The following VRK1 variants were observed in gnomAD, a reference collection of about 807,000 sequenced individuals.
VRK1 encodes the protein serine/threonine-protein kinase VRK1.
A neutral mutation model predicts 57.1 loss-of-function variants in VRK1; 33 were observed. That is an observed-to-expected ratio of 0.58 (90% confidence interval 0.44 to 0.77). VRK1 has a LOEUF of 0.77. Among genes scored for constraint, VRK1 ranks in the 30% least tolerant of loss-of-function variants. The pLI, the probability that VRK1 is intolerant of heterozygous loss-of-function variation, is 0.00. For missense variants in VRK1, 413 were observed against 477.3 expected, an observed-to-expected ratio of 0.87 and a Z score of 1.25; for synonymous variants, 137 against 147.8, an observed-to-expected ratio of 0.93 and a Z score of 0.53.
chr14:96,810,990 C>T lies in VRK1; in HGVS notation c.-6+13543C>T, dbSNP rs1031988846. 1.6e-4 allele frequency among the ~76,000 whole-genome samples: 25 copies of T among 151,656 alleles called. No homozygotes were observed. The South Asian group carries it at 2.9e-3, about 18-fold the overall frequency. On this transcript the variant is annotated intron_variant, in intron 1 of 12. Transcript: ENST00000216639. ...TGTCACTCTGTTGATAGTGCAGTGG[C>T]GCTATCTCGGCTCACTGCAACCTCC...
chr14:96,822,080 CT>C (rs71103555), intron 1 of VRK1, among the ~76,000 whole-genome samples: 64,322 of 141,488 alleles, frequency 0.45, 15,953 homozygotes, highest in Non-Finnish European at 0.58. Context: ...CTGTCCCTGC[CT>C]TTTTTTTTTT....
intron 1 of VRK1, among the ~76,000 whole-genome samples, chr14:96,821,108 A>G (rs1191627007): frequency 6.6e-6 from 1 of 152,202 alleles, no homozygotes; most frequent in East Asian, 1.9e-4. Flanking sequence ...TTGATACATA[A>G]TATTATATCA....
At chr14:96,868,610 C>G (rs1398269809) in intron 11 of VRK1, among the ~76,000 whole-genome samples, 1 of 152,020 alleles carries the variant, frequency 6.6e-6, no homozygotes, top group East Asian at 1.9e-4. Flanking sequence ...TATATAAGTA[C>G]TTTACTATAA....
At position 96,855,432 on chromosome 14, in the gene VRK1, C is replaced by T. The variant is rs74076162; in HGVS notation, c.709+76C>T. The stretch of plus-strand genomic sequence containing the variant: ...GATTCCTACATAGTTCTTAATTATG[C>T]ATAAGTAAATGAATAGATAAATAAA... On this transcript the variant is annotated intron_variant, in intron 8 of 12. Transcript: ENST00000216639. 2.8e-3 allele frequency: 4,417 copies of T among 1,602,934 alleles called. 100 individuals are homozygous for T. The African/African-American group carries it at 0.049, about 18-fold the overall frequency.
intron 11 of VRK1, among the ~76,000 whole-genome samples, chr14:96,868,771 A>G (rs540133312): frequency 2.4e-4 from 37 of 151,100 alleles, no homozygotes; most frequent in African/African-American, 9.0e-4. Context: ...TATAATGGCC[A>G]GTTCTTCGGA....
chr14:96,841,571 C>T (rs1426657670), intron 3 of VRK1, among the ~76,000 whole-genome samples: 1 of 152,120 alleles, frequency 6.6e-6, no homozygotes, highest in Non-Finnish European at 1.5e-5. Context: ...CAAAACAATA[C>T]TACTGACCAG....
At chr14:96,798,999 A>G (rs1885551955) in intron 1 of VRK1, among the ~76,000 whole-genome samples, 1 of 152,250 alleles carries the variant, frequency 6.6e-6, no homozygotes, top group Admixed American at 6.5e-5. Flanking sequence ...ACTTGAATTT[A>G]ATAACAATAA....
At chr14:96,847,090 G>A (rs755571228) in intron 4 of VRK1, among the ~76,000 whole-genome samples, 167 bp from the exon 5 acceptor site, 6 of 152,084 alleles carry the variant, frequency 3.9e-5, no homozygotes, top group East Asian at 3.8e-4. Context: ...TGTTTTCATC[G>A]TAAAATGCTT....
chr14:96,843,582 AT>A (rs541708851), intron 3 of VRK1, among the ~76,000 whole-genome samples: 1 of 151,924 alleles, frequency 6.6e-6, no homozygotes, highest in Non-Finnish European at 1.5e-5. Flanking sequence ...TCACATTTTA[AT>A]TTTTTTTCTG....
chr14:96,833,400 T>A, intron 1 of VRK1, 67 bp from the exon 2 acceptor site: 1 of 1,592,554 alleles, frequency 6.3e-7, no homozygotes, highest in Middle Eastern at 1.7e-4. Context: ...GAAGTTTTCC[T>A]TAGGGAAAAA....
chr14:96,864,566 ATTATT>A lies in VRK1; in HGVS notation c.1068+3835_1068+3839del, dbSNP rs1482185282. 3.0e-4 allele frequency among the ~76,000 whole-genome samples: 46 copies of A among 152,146 alleles called. 4 individuals are homozygous for A. Among genetic ancestry groups the A allele is most frequent in the Non-Finnish European group, 1.5e-5 (1 of 68,016 alleles). On this transcript the variant is annotated intron_variant, in intron 11 of 12. Transcript: ENST00000216639. ...CAGTTGTGATAATGCTGTTAAGAAC[ATTATT>A]TTAATTTTTGGGGGGAAACATGTAC... is the stretch of plus-strand genomic sequence containing the variant.
intron 1 of VRK1, among the ~76,000 whole-genome samples, chr14:96,814,921 A>C (rs1294317698): frequency 6.6e-6 from 1 of 152,214 alleles, no homozygotes; most frequent in Non-Finnish European, 1.5e-5. Context: ...TCCAACCTAA[A>C]AGTCCCCTCT....
At chr14:96,819,144 C>A (rs1049026369) in intron 1 of VRK1, among the ~76,000 whole-genome samples, 2 of 152,100 alleles carry the variant, frequency 1.3e-5, no homozygotes, top group Non-Finnish European at 2.9e-5. Flanking sequence ...GCCAGTTATA[C>A]CAAAATATGT....
chr14:96,841,850 A>G lies in VRK1; in HGVS notation c.216+4033A>G, dbSNP rs755781757. Among the ~76,000 whole-genome samples, 3 of 151,384 alleles carry G rather than the reference A, an allele frequency of 2.0e-5. No individual in the cohort carries two copies. The South Asian group carries it at 6.3e-4, about 32-fold the overall frequency. ...ACTCTATCTCAAAAAAAAAAAAAAT[A>G]CCAAAAATAAAACAAAACAGTAATA... On this transcript the variant is annotated intron_variant, in intron 3 of 12. Coordinates refer to ENST00000216639, the MANE Select transcript of VRK1 (RefSeq NM_003384.3).
chr14:96,852,985 A>G lies in VRK1; in HGVS notation c.483+46A>G, dbSNP rs373737505. 4.4e-6 allele frequency: 7 copies of G among 1,605,730 alleles called. No individual in the cohort carries two copies. The African/African-American group carries it at 8.0e-5, about 18-fold the overall frequency. On this transcript the variant is annotated intron_variant, in intron 6 of 12. Coordinates refer to ENST00000216639, the MANE Select transcript of VRK1 (RefSeq NM_003384.3). ...TTGTTTTTAAAAAATTGTTTTGAGT[A>G]CAGTAAAGGCTAGTTTATGTTGAAG...
At chr14:96,801,547 A>G (rs1356982755) in intron 1 of VRK1, among the ~76,000 whole-genome samples, 1 of 152,176 alleles carries the variant, frequency 6.6e-6, no homozygotes, top group East Asian at 1.9e-4. Context: ...ATTATATGTA[A>G]TTACAGTGTA....
At chr14:96,830,885 A>G (rs1213293400) in intron 1 of VRK1, among the ~76,000 whole-genome samples, 3 of 152,218 alleles carry the variant, frequency 2.0e-5, no homozygotes, top group African/African-American at 7.2e-5. Context: ...CTTTCTTCGT[A>G]TTATCCTTGT....
chr14:96,862,534 A>G (rs1888430536), intron 11 of VRK1, among the ~76,000 whole-genome samples: 2 of 151,302 alleles, frequency 1.3e-5, no homozygotes, highest in Admixed American at 6.6e-5. Context: ...TGTAAAGTGA[A>G]AGAACTGGAC....
chr14:96,877,067 CT>C lies in VRK1; in HGVS notation c.1159+960del, dbSNP rs79333571. 5.3e-3 allele frequency among the ~76,000 whole-genome samples: 738 copies of C among 138,510 alleles called. 3 individuals are homozygous for C. The highest frequency in any genetic ancestry group is 0.01 in the African/African-American group (386 of 37,898). 90.9% of individuals were successfully genotyped at this position (138,510 alleles called of 152,430 possible). On this transcript the variant is annotated intron_variant, in intron 12 of 12. Coordinates refer to ENST00000216639, the MANE Select transcript of VRK1 (RefSeq NM_003384.3). ...TTTTAAAAAGATTTTTCCTGTCTGC[CT>C]TTTTTTTTTTTTGAATTATTATTTT...
Sources: gnomAD v4.1 joint callset for allele counts (sites outside exome capture counted in the v4.1 genomes callset) on GRCh38, gnomAD v4.1.1 for gene constraint, MANE v1.5 for transcripts, NCBI Gene and HGNC (gene_info 2026-07-23, HGNC 2026-07-21) for gene names.